The following ANKS1B variants were observed in gnomAD, a reference collection of about 807,000 sequenced individuals.
The protein encoded by ANKS1B is ankyrin repeat and sterile alpha motif domain-containing protein 1B.
Under a neutral mutation model 148.3 loss-of-function variants are expected in ANKS1B, and 36 were observed. That is an observed-to-expected ratio of 0.24 (90% CI 0.19 to 0.32). The LOEUF (loss-of-function observed/expected upper bound fraction) is 0.32. Ranked by LOEUF, ANKS1B falls within the 10% of genes least tolerant of loss-of-function variation. The pLI is 1.00. For missense variants in ANKS1B, 1,157 were observed against 1,542.6 expected, an observed-to-expected ratio of 0.75 and a Z score of 4.19; for synonymous variants, 542 against 560.8, an observed-to-expected ratio of 0.97 and a Z score of 0.47.
At chr12:99,606,086 T>C (rs2097849140) in intron 9 of ANKS1B, among the ~76,000 whole-genome samples, 1 of 152,082 alleles carries the variant, frequency 6.6e-6, no homozygotes, top group Non-Finnish European at 1.5e-5. Flanking sequence ...TGGTAATTAG[T>C]GATGTTGAGC....
In ANKS1B at chr12:98,798,669, G is replaced by A. The variant is rs181768024; in HGVS notation, c.3342+265C>T. On this transcript the variant is annotated intron_variant, in intron 22 of 26. Transcript: ENST00000683438. ...TAATAAAGATCATTTTTCTAATCTC[G>A]AAAATGATACAATTAATTTTAAATC... Among the ~76,000 whole-genome samples, 6 of 152,038 alleles carry A rather than the reference G, an allele frequency of 3.9e-5. No homozygotes were observed. The East Asian group carries it at 7.7e-4, about 20-fold the overall frequency.
chr12:99,783,259 A>G (rs377613948), intron 4 of ANKS1B, among the ~76,000 whole-genome samples: 2 of 152,078 alleles, frequency 1.3e-5, no homozygotes, highest in African/African-American at 4.8e-5. Context: ...ACCACCAAAC[A>G]TCATAGCCTA....
intron 15 of ANKS1B, among the ~76,000 whole-genome samples, chr12:99,142,032 A>T (rs1206180902): frequency 6.6e-6 from 1 of 152,042 alleles, no homozygotes; most frequent in East Asian, 1.9e-4. Context: ...TATAGGAGGT[A>T]GAAAACTTTG....
At chr12:99,071,417 A>C (rs1424678672) in intron 16 of ANKS1B, among the ~76,000 whole-genome samples, 1 of 152,246 alleles carries the variant, frequency 6.6e-6, no homozygotes, top group Non-Finnish European at 1.5e-5. Context: ...CAAAATGGCG[A>C]ATATGCTGTT....
At chr12:99,121,031 A>G (rs559376644) in intron 15 of ANKS1B, among the ~76,000 whole-genome samples, 1 of 152,296 alleles carries the variant, frequency 6.6e-6, no homozygotes, top group East Asian at 1.9e-4. Context: ...TAGGAGATAA[A>G]TTAAAAATCA....
intron 15 of ANKS1B, among the ~76,000 whole-genome samples, chr12:99,139,361 CCCTCCCTCCCTCCCTCCCTCCTT>C (rs1350961704): frequency 4.9e-3 from 2 of 412 alleles, no homozygotes; most frequent in Non-Finnish European, 8.8e-3. Context: ...CTCCCTCCCT[CCCTCCCTCCCTCCCTCCCTCCTT>C]TCTTTCTTTC....
intron 12 of ANKS1B, among the ~76,000 whole-genome samples, chr12:99,287,571 C>G (rs780984809): frequency 1.3e-5 from 2 of 152,072 alleles, no homozygotes; most frequent in African/African-American, 2.4e-5. Context: ...AAATAAGGCA[C>G]CAGTGACCAA....
intron 12 of ANKS1B, among the ~76,000 whole-genome samples, chr12:99,304,073 A>G (rs1255314034): frequency 3.9e-5 from 6 of 152,158 alleles, no homozygotes; most frequent in African/African-American, 1.4e-4. Context: ...TGCTATAAAC[A>G]TGCATGTGCA....
chr12:99,697,988 T>C (rs996721257), intron 8 of ANKS1B, among the ~76,000 whole-genome samples: 3 of 151,918 alleles, frequency 2.0e-5, no homozygotes, highest in African/African-American at 7.3e-5. Flanking sequence ...GCAGAAAACA[T>C]AGGAAGGATA....
rs141091224 is a variant in ANKS1B, at chr12:99,026,140, A to G, written c.2778+27017T>C. Among the ~76,000 whole-genome samples the G allele has an allele frequency of 1.6e-3, 240 of 152,288 alleles. 6 individuals are homozygous for G. The South Asian group carries it at 0.045, about 28-fold the overall frequency. On this transcript the variant is annotated intron_variant, in intron 17 of 26. Coordinates refer to ENST00000683438, the MANE Select transcript of ANKS1B (RefSeq NM_001352186.2). ...GATATATTTTGTGTTTATTTCTTTT[A>G]CCACCCTTGAAGTATCTCCAGCTTT...
intron 17 of ANKS1B, among the ~76,000 whole-genome samples, chr12:98,980,589 C>T (rs1234141798): frequency 6.6e-6 from 1 of 152,006 alleles, no homozygotes; most frequent in Non-Finnish European, 1.5e-5. Flanking sequence ...TGCTTTTTTC[C>T]TCCTCATAAT....
intron 17 of ANKS1B, among the ~76,000 whole-genome samples, chr12:98,956,598 G>A (rs2153105436): frequency 6.7e-6 from 1 of 149,664 alleles, no homozygotes; most frequent in East Asian, 2.0e-4. Flanking sequence ...ACTACCTGTA[G>A]TTAGTTAACT....
intron 14 of ANKS1B, among the ~76,000 whole-genome samples, chr12:99,235,005 C>T (rs891125113): frequency 6.6e-6 from 1 of 152,136 alleles, no homozygotes; most frequent in African/African-American, 2.4e-5. Context: ...AAAATTGAGG[C>T]ACACACAGAG....
chr12:99,618,670 T>C (rs1181539513), intron 9 of ANKS1B, among the ~76,000 whole-genome samples: 1 of 151,984 alleles, frequency 6.6e-6, no homozygotes, highest in East Asian at 1.9e-4. Flanking sequence ...GAGCACTTTG[T>C]TTCTCCCAAG....
chr12:99,154,778 C>A, intron 14 of ANKS1B: 1 of 1,447,774 alleles, frequency 6.9e-7, no homozygotes, highest in Admixed American at 2.7e-5. Flanking sequence ...CGGCCGGCAG[C>A]CAGAATTCTT....
chr12:99,911,689 T>C (rs1274965101), intron 1 of ANKS1B, among the ~76,000 whole-genome samples: 2 of 152,206 alleles, frequency 1.3e-5, no homozygotes, highest in African/African-American at 4.8e-5. Flanking sequence ...CAGAATAGTA[T>C]TAAAAAACCC....
At chr12:99,576,915 A>G (rs1365633744) in intron 9 of ANKS1B, among the ~76,000 whole-genome samples, 3 of 151,898 alleles carry the variant, frequency 2.0e-5, no homozygotes, top group Non-Finnish European at 4.4e-5. Context: ...TCCCCTCACT[A>G]TCTCTTCCAT....
chr12:99,637,181 A>T (rs2088788), intron 9 of ANKS1B, among the ~76,000 whole-genome samples: 3 of 152,006 alleles, frequency 2.0e-5, no homozygotes, highest in African/African-American at 7.2e-5. Context: ...GCATGTTGGC[A>T]CATGCCTGTA....
At position 98,751,887 on chromosome 12, in the gene ANKS1B, G is replaced by A. The variant is rs2098102349; in HGVS notation, c.3580-365C>T. Among the ~76,000 whole-genome samples, 1 of 152,168 alleles carries A rather than the reference G, an allele frequency of 6.6e-6. No homozygotes were observed. The highest frequency in any genetic ancestry group is 2.4e-5 in the African/African-American group (1 of 41,424). On this transcript the variant is annotated intron_variant, in intron 25 of 26. Coordinates refer to ENST00000683438, the MANE Select transcript of ANKS1B (RefSeq NM_001352186.2). This position sits in a 1 kb window ranked among gnomAD's most constrained non-coding sequence, Gnocchi z 4.3. ...ATTTGCCCAAAAGGAAATTTCCTGT[G>A]GACAAAAGACAGAGCTCAAAGTCAT...
Sources: allele counts gnomAD v4.1 joint callset (sites outside exome capture counted in the v4.1 genomes callset), GRCh38; gene constraint gnomAD v4.1.1; non-coding constraint Gnocchi (gnomAD v3.1); transcripts MANE v1.5; gene names NCBI Gene and HGNC (gene_info 2026-07-23, HGNC 2026-07-21).